Variants in SCFD2 observed in about 807,000 individuals in gnomAD.
The protein encoded by SCFD2 is sec1 family domain containing 2, also known as sec1 family domain-containing protein 2.
A neutral mutation model predicts 58.9 loss-of-function variants in SCFD2; 54 were observed. The ratio of observed to expected loss-of-function variants is 0.92; its 90% CI spans 0.74 to 1.15. SCFD2 has a LOEUF of 1.15. Ranked by LOEUF, SCFD2 falls within the 50% of genes most tolerant of loss-of-function variation. SCFD2 has a pLI of 0.00. For missense variants in SCFD2, 805 were observed against 836.6 expected, an observed-to-expected ratio of 0.96 and a Z score of 0.47; for synonymous variants, 321 against 335.9, an observed-to-expected ratio of 0.96 and a Z score of 0.49.
intron 3 of SCFD2, among the ~76,000 whole-genome samples, chr4:53,290,003 GAATA>G (rs1312045808): frequency 6.6e-6 from 1 of 152,034 alleles, no homozygotes; most frequent in Non-Finnish European, 1.5e-5. Context: ...CCGTCATGAA[GAATA>G]AATAGATAGC....
intron 4 of SCFD2, among the ~76,000 whole-genome samples, chr4:53,233,950 T>G (rs576737223): frequency 3.3e-5 from 5 of 152,044 alleles, no homozygotes; most frequent in African/African-American, 1.2e-4. Context: ...AACAAACTAA[T>G]GGGAAACAAT....
At chr4:53,048,331 C>T (rs1243823547) in intron 5 of SCFD2, among the ~76,000 whole-genome samples, 1 of 152,102 alleles carries the variant, frequency 6.6e-6, no homozygotes, top group Non-Finnish European at 1.5e-5. Flanking sequence ...GCCTAGGTGA[C>T]AGAGCAAGAC....
intron 4 of SCFD2, among the ~76,000 whole-genome samples, chr4:53,181,221 C>T (rs933785279): frequency 1.3e-5 from 2 of 152,128 alleles, no homozygotes; most frequent in Non-Finnish European, 2.9e-5. Context: ...AATTTTAGAC[C>T]AATATCCTTG....
chr4:53,071,339 C>A (rs1382991323), intron 5 of SCFD2, among the ~76,000 whole-genome samples: 1 of 152,100 alleles, frequency 6.6e-6, no homozygotes, highest in Non-Finnish European at 1.5e-5. Context: ...TCACTCACAG[C>A]TGAGCCTAAT....
At chr4:52,919,873 C>T (rs1021891404) in intron 6 of SCFD2, among the ~76,000 whole-genome samples, 1 of 152,208 alleles carries the variant, frequency 6.6e-6, no homozygotes, top group Admixed American at 6.5e-5. Context: ...CTGAACTCCT[C>T]CCCACTAACA....
chr4:53,296,014 T>C (rs1367376244), intron 3 of SCFD2, among the ~76,000 whole-genome samples: 2 of 152,238 alleles, frequency 1.3e-5, no homozygotes, highest in Admixed American at 6.5e-5. Flanking sequence ...ATAAGCTTTT[T>C]GACATGCTGC....
chr4:53,081,407 A>G (rs1724142561), intron 5 of SCFD2, among the ~76,000 whole-genome samples: 1 of 151,962 alleles, frequency 6.6e-6, no homozygotes, highest in South Asian at 2.1e-4. Flanking sequence ...ACCTCCCTCC[A>G]CTTTCTACTA....
intron 5 of SCFD2, among the ~76,000 whole-genome samples, chr4:53,074,611 C>T (rs1235476368): frequency 2.6e-5 from 4 of 152,140 alleles, no homozygotes; most frequent in African/African-American, 9.7e-5. Context: ...AATCCATGAG[C>T]GACAGAATGG....
At chr4:53,030,823 T>C (rs1243991453) in intron 5 of SCFD2, among the ~76,000 whole-genome samples, 1 of 152,214 alleles carries the variant, frequency 6.6e-6, no homozygotes. Flanking sequence ...GATGGACATA[T>C]AAAAGCCAAT....
chr4:52,883,202 C>T (rs906676884), intron 8 of SCFD2, among the ~76,000 whole-genome samples: 4 of 152,198 alleles, frequency 2.6e-5, no homozygotes, highest in Admixed American at 1.3e-4. Flanking sequence ...AAGCAGGAAG[C>T]TGGTCATGTC....
intron 2 of SCFD2, among the ~76,000 whole-genome samples, chr4:53,330,778 C>G (rs1397336613): frequency 6.6e-6 from 1 of 151,878 alleles, no homozygotes. Context: ...ACTAAATGCT[C>G]CAATTAAAAG....
At chr4:53,277,541 CATGAT>C (rs1387866783) in intron 3 of SCFD2, among the ~76,000 whole-genome samples, 1 of 152,146 alleles carries the variant, frequency 6.6e-6, no homozygotes, top group African/African-American at 2.4e-5. Context: ...AAAGGCTCTA[CATGAT>C]ATGAAAACTG....
chr4:53,035,084 G>T (rs1278652833), intron 5 of SCFD2, among the ~76,000 whole-genome samples: 2 of 152,136 alleles, frequency 1.3e-5, no homozygotes, highest in Non-Finnish European at 2.9e-5. Context: ...AGACTGCAAG[G>T]CCACAGTAAC....
At chr4:52,899,974 T>C (rs1034590086) in intron 7 of SCFD2, among the ~76,000 whole-genome samples, 8 of 152,246 alleles carry the variant, frequency 5.3e-5, no homozygotes, top group African/African-American at 1.9e-4. Flanking sequence ...CGTCACGTAG[T>C]TCTCGTGCCG....
At chr4:53,178,115 C>T (rs548849833) in intron 4 of SCFD2, among the ~76,000 whole-genome samples, 5 of 152,334 alleles carry the variant, frequency 3.3e-5, no homozygotes, top group African/African-American at 1.2e-4. Context: ...ACAACAGTAA[C>T]CTCTGCAGAC....
At chr4:53,040,363 T>A (rs1722867374) in intron 5 of SCFD2, among the ~76,000 whole-genome samples, 1 of 152,152 alleles carries the variant, frequency 6.6e-6, no homozygotes, top group Non-Finnish European at 1.5e-5. Flanking sequence ...CTTACATGAG[T>A]CATCTGAAGA....
At chr4:52,931,867 T>G (rs1720004281) in intron 5 of SCFD2, among the ~76,000 whole-genome samples, 2 of 152,176 alleles carry the variant, frequency 1.3e-5, no homozygotes, top group Non-Finnish European at 2.9e-5. Flanking sequence ...GTCCCGTACC[T>G]TCTTATCCTC....
chr4:53,047,936 G>GACAT (rs1723083679), intron 5 of SCFD2, among the ~76,000 whole-genome samples: 5 of 152,146 alleles, frequency 3.3e-5, no homozygotes, highest in Admixed American at 3.3e-4. Context: ...TGCCCTGACT[G>GACAT]GTCACATGTG....
intron 5 of SCFD2, among the ~76,000 whole-genome samples, chr4:52,974,896 C>T (rs368670097): frequency 6.6e-6 from 1 of 152,052 alleles, no homozygotes; most frequent in Non-Finnish European, 1.5e-5. Context: ...CTTTGACAAA[C>T]CTGACAAAAA....
Sources: gnomAD v4.1 joint callset for allele counts (sites outside exome capture counted in the v4.1 genomes callset) on GRCh38, gnomAD v4.1.1 for gene constraint, MANE v1.5 for transcripts, NCBI Gene and HGNC (gene_info 2026-07-23, HGNC 2026-07-21) for gene names.